KCNC2: variants seen among roughly 807,000 people sequenced by gnomAD.
KCNC2 encodes the protein potassium voltage-gated channel subfamily C member 2.
Under a neutral mutation model 44.5 loss-of-function variants are expected in KCNC2, and 21 were observed. That is an observed-to-expected ratio of 0.47 (90% CI 0.33 to 0.68). The LOEUF (loss-of-function observed/expected upper bound fraction) is 0.68, where lower values mean the gene tolerates loss of function less well. Ranked by LOEUF, KCNC2 falls within the 30% of genes least tolerant of loss-of-function variation. KCNC2 has a pLI of 0.01. For missense variants in KCNC2, 589 were observed against 826.2 expected, an observed-to-expected ratio of 0.71 and a Z score of 3.52; for synonymous variants, 391 against 339.1, an observed-to-expected ratio of 1.15 and a Z score of -1.68.
intron 2 of KCNC2, among the ~76,000 whole-genome samples, chr12:75,204,607 CATG>C (rs372267535): frequency 7.9e-4 from 120 of 152,144 alleles, no homozygotes; most frequent in African/African-American, 2.8e-3. Flanking sequence ...GAATGAGACT[CATG>C]ATAATAAGAA....
intron 2 of KCNC2, among the ~76,000 whole-genome samples, chr12:75,205,215 A>G (rs2031589937): frequency 6.6e-6 from 1 of 152,152 alleles, no homozygotes; most frequent in Admixed American, 6.5e-5. Context: ...TGGCTTTGCT[A>G]TTAACTTGAT....
chr12:75,112,318 A>G (rs1490629931), intron 2 of KCNC2, among the ~76,000 whole-genome samples: 3 of 152,042 alleles, frequency 2.0e-5, no homozygotes, highest in Non-Finnish European at 2.9e-5. Flanking sequence ...AAGTATAAAG[A>G]TAATTCCTCC....
rs76593584 is a variant in KCNC2, at chr12:75,167,230, A to G, written c.687+40067T>C. ...ACTGATTTAAGCAAACATATGGATG[A>G]CCTTTTACTTTCTTTTTTTATTATC... On this transcript the variant is annotated intron_variant, in intron 2 of 4. Transcript: ENST00000549446. Among the ~76,000 whole-genome samples the G allele has an allele frequency of 8.6e-3, 1,300 of 151,364 alleles. 22 individuals carry two copies. The highest frequency in any genetic ancestry group is 0.03 in the African/African-American group (1,240 of 41,430).
intron 2 of KCNC2, among the ~76,000 whole-genome samples, chr12:75,131,861 C>T (rs920420376): frequency 2.0e-5 from 3 of 152,130 alleles, no homozygotes; most frequent in African/African-American, 7.2e-5. Context: ...CTGATTTCAG[C>T]CCTGCAAAAC....
chr12:75,146,171 G>A (rs1258805023), intron 2 of KCNC2, among the ~76,000 whole-genome samples: 1 of 152,078 alleles, frequency 6.6e-6, no homozygotes, highest in African/African-American at 2.4e-5. Context: ...AGCCAGGATG[G>A]TCTCGATCTC....
intron 2 of KCNC2, among the ~76,000 whole-genome samples, chr12:75,151,361 C>T (rs2137465418): frequency 6.6e-6 from 1 of 152,096 alleles, no homozygotes; most frequent in South Asian, 2.1e-4. Flanking sequence ...GTATCAAGGT[C>T]TTCGTTCGGA....
chr12:75,191,055 T>G (rs2030158102), intron 2 of KCNC2, among the ~76,000 whole-genome samples: 1 of 152,154 alleles, frequency 6.6e-6, no homozygotes, highest in Non-Finnish European at 1.5e-5. Flanking sequence ...ATGCCATCAA[T>G]GACTAATTAA....
At chr12:75,088,427 TA>T (rs1208873462) in intron 2 of KCNC2, among the ~76,000 whole-genome samples, 1 of 152,082 alleles carries the variant, frequency 6.6e-6, no homozygotes, top group Non-Finnish European at 1.5e-5. Context: ...AAAGTTATTT[TA>T]ACCTACAATT....
chr12:75,131,872 C>T (rs766942670), intron 2 of KCNC2, among the ~76,000 whole-genome samples: 1 of 152,142 alleles, frequency 6.6e-6, no homozygotes, highest in Non-Finnish European at 1.5e-5. Context: ...CCTGCAAAAC[C>T]TTCAGGAAGG....
At chr12:75,080,398 A>C (rs1216085014) in intron 2 of KCNC2, among the ~76,000 whole-genome samples, 1 of 152,084 alleles carries the variant, frequency 6.6e-6, no homozygotes, top group Non-Finnish European at 1.5e-5. Flanking sequence ...TAGAAAAAGT[A>C]TAAAAAGAAG....
intron 2 of KCNC2, among the ~76,000 whole-genome samples, chr12:75,181,549 C>T (rs545246968): frequency 6.6e-6 from 1 of 152,268 alleles, no homozygotes; most frequent in Non-Finnish European, 1.5e-5. Context: ...ACTGCCTGAC[C>T]TTCCTCCAAC....
At chr12:75,201,819 A>C (rs1235251600) in intron 2 of KCNC2, among the ~76,000 whole-genome samples, 1 of 151,902 alleles carries the variant, frequency 6.6e-6, no homozygotes, top group African/African-American at 2.4e-5. Context: ...TTCAACCAGA[A>C]TTGAATTAAG....
intron 2 of KCNC2, among the ~76,000 whole-genome samples, chr12:75,084,268 AT>A (rs57776077): frequency 0.07 from 3,506 of 50,288 alleles, 167 homozygotes; most frequent in African/African-American, 0.19. Context: ...AGATAGATAG[AT>A]TAGATAGATA....
chr12:75,146,507 A>G (rs1483249406), intron 2 of KCNC2, among the ~76,000 whole-genome samples: 1 of 152,216 alleles, frequency 6.6e-6, no homozygotes, highest in Non-Finnish European at 1.5e-5. Flanking sequence ...GCTGTGGAAT[A>G]GTTTAGTATA....
chr12:75,196,363 A>G (rs1326123993), intron 2 of KCNC2, among the ~76,000 whole-genome samples: 1 of 152,126 alleles, frequency 6.6e-6, no homozygotes, highest in Non-Finnish European at 1.5e-5. Flanking sequence ...TCAGGGAGAG[A>G]CAACTTATTT....
At chr12:75,046,704 T>C (rs996040774) in intron 4 of KCNC2, among the ~76,000 whole-genome samples, 2 of 152,014 alleles carry the variant, frequency 1.3e-5, no homozygotes, top group Non-Finnish European at 2.9e-5. Context: ...TTCTAGCACA[T>C]ATTTAATGTA....
At position 75,207,759 on chromosome 12, in the gene KCNC2, G is replaced by A; in HGVS notation, c.225C>T (p.Gly75=). Residue 75 remains glycine (G), a synonymous_variant, in exon 2 of 5, where the codon GGC becomes GGT. Transcript: ENST00000549446. This position sits in a 1 kb window ranked among gnomAD's most constrained non-coding sequence, Gnocchi z 4.1. The part of the protein sequence containing the change: ...PRAPPLSPGP[G]GCFEGGAGNC... ...TGCCCGCGCCGCCCTCGAAGCAGCCGCCTGGCCCGGGGGACAGCGGGGGCG... is the reference window on the plus strand; with the variant it reads ...TGCCCGCGCCGCCCTCGAAGCAGCCACCTGGCCCGGGGGACAGCGGGGGCG... 1.3e-6 allele frequency: 2 copies of A among 1,569,832 alleles called. No homozygotes were observed. Among genetic ancestry groups the A allele is most frequent in the African/African-American group, 1.4e-5 (1 of 73,560 alleles).
At chr12:75,077,320 G>A (rs10161133) in intron 2 of KCNC2, among the ~76,000 whole-genome samples, 5,909 of 152,106 alleles carry the variant, frequency 0.039, 356 homozygotes, top group African/African-American at 0.13. Flanking sequence ...TTAAAATCCA[G>A]TCAATTTTAT....
At chr12:75,049,601 A>G (rs937772795) in intron 3 of KCNC2, among the ~76,000 whole-genome samples, 3 of 152,092 alleles carry the variant, frequency 2.0e-5, no homozygotes, top group Non-Finnish European at 4.4e-5. Flanking sequence ...ACTAATCTCA[A>G]GCAGTAAATC....
Sources: allele counts gnomAD v4.1 joint callset (sites outside exome capture counted in the v4.1 genomes callset), GRCh38; gene constraint gnomAD v4.1.1; non-coding constraint Gnocchi (gnomAD v3.1); transcripts MANE v1.5; gene names NCBI Gene and HGNC (gene_info 2026-07-23, HGNC 2026-07-21).